EGLN3: variants seen among roughly 807,000 people sequenced by gnomAD.
The protein encoded by EGLN3 is egl-9 family hypoxia inducible factor 3, also known as prolyl hydroxylase EGLN3.
EGLN3 carries 15 observed loss-of-function variants against 26.0 expected under a neutral mutation model. The observed-to-expected ratio is 0.58, with a 90% confidence interval of 0.39 to 0.89. The LOEUF is 0.89. EGLN3 is among the 40% of genes least tolerant of loss of function. EGLN3 has a pLI of 0.00. For missense variants in EGLN3, 238 were observed against 311.6 expected, an observed-to-expected ratio of 0.76 and a Z score of 1.78; for synonymous variants, 147 against 127.2, an observed-to-expected ratio of 1.16 and a Z score of -1.05.
intron 3 of EGLN3, among the ~76,000 whole-genome samples, 179 bp from the exon 4 acceptor site, chr14:33,927,212 C>G (rs990477486): frequency 3.4e-5 from 5 of 147,688 alleles, no homozygotes; most frequent in African/African-American, 7.5e-5. Context: ...GAGTCTTGCT[C>G]TGTTGCCAGG....
chr14:33,939,235 G>C (rs2064464539), intron 1 of EGLN3, among the ~76,000 whole-genome samples: 3 of 151,058 alleles, frequency 2.0e-5, no homozygotes, highest in Admixed American at 1.3e-4. Flanking sequence ...TTTTGAGACG[G>C]AGTCTCGCTC....
chr14:33,929,422 G>A (rs113600513), intron 2 of EGLN3, among the ~76,000 whole-genome samples: 10 of 152,232 alleles, frequency 6.6e-5, no homozygotes, highest in Admixed American at 2.0e-4. Context: ...GCACGATCTC[G>A]TTTCACTGCC....
chr14:33,925,719 C>G lies in EGLN3; in HGVS notation c.*172G>C. The stretch of plus-strand genomic sequence containing the variant: ...CAAAGAGAGTATCTGAAGATCAACA[C>G]AGTCTTGGCAAGAAAACATGAAGTA... On this transcript the variant is annotated 3_prime_UTR_variant, in exon 5 of 5. Coordinates refer to ENST00000250457, the MANE Select transcript of EGLN3 (RefSeq NM_022073.4). The G allele has an allele frequency of 1.4e-6, 1 of 700,772 alleles. No individual in the cohort carries two copies. The highest frequency in any genetic ancestry group is 2.4e-6 in the Non-Finnish European group (1 of 419,332). 43.4% of individuals were successfully genotyped at this position (700,772 alleles called of 1,614,324 possible).
chr14:33,940,449 TAACAGGGA>T (rs1186828122), intron 1 of EGLN3, among the ~76,000 whole-genome samples: 3 of 152,156 alleles, frequency 2.0e-5, no homozygotes, highest in African/African-American at 7.2e-5. Context: ...ACTTTCTTGT[TAACAGGGA>T]AACTGTAGGA....
chr14:33,941,226 C>G (rs375333205), intron 1 of EGLN3, among the ~76,000 whole-genome samples: 7 of 152,226 alleles, frequency 4.6e-5, no homozygotes, highest in Admixed American at 1.3e-4. Context: ...AAGTATCTAA[C>G]TCATCCATAA....
chr14:33,927,170 T>TTTATTTAC (rs1314491929), intron 3 of EGLN3, 137 bp from the exon 4 acceptor site: 5 of 237,530 alleles, frequency 2.1e-5, no homozygotes, highest in African/African-American at 1.2e-4. Flanking sequence ...TATTTATTTA[T>TTTATTTAC]TTATTTATTT....
chr14:33,943,153 G>T (rs976220021), intron 1 of EGLN3, among the ~76,000 whole-genome samples: 4 of 152,112 alleles, frequency 2.6e-5, no homozygotes, highest in Admixed American at 6.5e-5. Context: ...GAGAAAGGGG[G>T]TACAAATTCT....
At chr14:33,937,968 C>T (rs1359621607) in intron 1 of EGLN3, among the ~76,000 whole-genome samples, 6 of 152,220 alleles carry the variant, frequency 3.9e-5, no homozygotes, top group African/African-American at 1.4e-4. Context: ...CACTTTAAAA[C>T]CTGTCCTCAG....
chr14:33,932,225 C>T (rs2064409876), intron 1 of EGLN3, among the ~76,000 whole-genome samples: 1 of 152,108 alleles, frequency 6.6e-6, no homozygotes, highest in South Asian at 2.1e-4. Context: ...TAGGACAGTG[C>T]CTGACATACA....
At chr14:33,948,486 G>A (rs1366919928) in intron 1 of EGLN3, 2 of 152,194 alleles carry the variant, frequency 1.3e-5, no homozygotes, top group African/African-American at 2.4e-5. Flanking sequence ...GGGTGGGACA[G>A]GATAAATTTT....
intron 1 of EGLN3, among the ~76,000 whole-genome samples, chr14:33,939,692 T>C (rs1047644170): frequency 6.6e-6 from 1 of 152,228 alleles, no homozygotes; most frequent in Non-Finnish European, 1.5e-5. Flanking sequence ...AACACTGTTC[T>C]GTGTGCTTCA....
At chr14:33,944,441 C>A (rs980821210) in intron 1 of EGLN3, among the ~76,000 whole-genome samples, 1 of 152,058 alleles carries the variant, frequency 6.6e-6, no homozygotes, top group African/African-American at 2.4e-5. Context: ...ATTAAAGTAC[C>A]TTTTATCCAT....
At chr14:33,929,280 C>T in intron 2 of EGLN3, 68 bp from the exon 3 acceptor site, 2 of 1,574,980 alleles carry the variant, frequency 1.3e-6, no homozygotes, top group Non-Finnish European at 1.7e-6. Context: ...CATATTTCAG[C>T]TCCATTTAGA....
chr14:33,929,293 C>T, intron 2 of EGLN3, 81 bp from the exon 3 acceptor site: 1 of 1,539,514 alleles, frequency 6.5e-7, no homozygotes, highest in Non-Finnish European at 8.8e-7. Context: ...CATTTAGAAA[C>T]ATGCCATCTG....
In EGLN3 at chr14:33,924,504, G is replaced by A. The variant is rs896184217; in HGVS notation, c.*1387C>T. 1.3e-4 allele frequency: 19 copies of A among 151,858 alleles called. No individual in the cohort carries two copies. Among genetic ancestry groups the A allele is most frequent in the Non-Finnish European group, 2.5e-4 (17 of 67,976 alleles). The allele number at this position is 151,858 out of a possible 1,614,324, so 9.4% of individuals were successfully genotyped here. A position where few individuals can be genotyped will look rare whatever the true frequency, so the allele number is the denominator to read the frequency against. Reference sequence around the variant, plus strand: ...CTTATCTGGAAATTTTCCAAAACCAGAAGAGGAAAAAGTAAACTTCTATCT... The same window carrying A: ...CTTATCTGGAAATTTTCCAAAACCAAAAGAGGAAAAAGTAAACTTCTATCT... On this transcript the variant is annotated 3_prime_UTR_variant, in exon 5 of 5. Coordinates refer to ENST00000250457, the MANE Select transcript of EGLN3 (RefSeq NM_022073.4).
chr14:33,942,941 C>G lies in EGLN3; in HGVS notation c.357+7455G>C, dbSNP rs113419254. Among the ~76,000 whole-genome samples, 1,141 of 152,210 alleles carry G rather than the reference C, an allele frequency of 7.5e-3. 8 individuals carry two copies. The highest frequency in any genetic ancestry group is 0.026 in the African/African-American group (1,091 of 41,534). ...CTAAGTAACAAGGTACCAAATGAAT[C>G]CAATACAAGATGTGAAAGCCTGCAT... On this transcript the variant is annotated intron_variant, in intron 1 of 4. Transcript: ENST00000250457.
intron 1 of EGLN3, among the ~76,000 whole-genome samples, chr14:33,947,281 C>T (rs747958377): frequency 2.0e-5 from 3 of 152,136 alleles, no homozygotes; most frequent in Non-Finnish European, 4.4e-5. Context: ...AAGCAATGAT[C>T]ATGCTTGAAG....
At chr14:33,939,501 C>A (rs1002938151) in intron 1 of EGLN3, among the ~76,000 whole-genome samples, 6 of 129,488 alleles carry the variant, frequency 4.6e-5, no homozygotes, top group Admixed American at 7.6e-5. Context: ...TGAGCCACCG[C>A]GCCCGGCCGA....
intron 3 of EGLN3, 72 bp downstream of exon 3, chr14:33,929,004 G>A (rs943512361): frequency 1.7e-5 from 26 of 1,571,384 alleles, no homozygotes; most frequent in African/African-American, 1.6e-4. Context: ...CAGGACACAC[G>A]TTTAAAGAGT....
Sources: allele counts gnomAD v4.1 joint callset (sites outside exome capture counted in the v4.1 genomes callset), GRCh38; gene constraint gnomAD v4.1.1; transcripts MANE v1.5; gene names NCBI Gene and HGNC (gene_info 2026-07-23, HGNC 2026-07-21).